The following RAB4A variants were observed in gnomAD, a reference collection of about 807,000 sequenced individuals.
RAB4A encodes RAB4A, member RAS oncogene family.
RAB4A carries 20 observed loss-of-function variants against 34.5 expected under a neutral mutation model. The ratio of observed to expected loss-of-function variants is 0.58; its 90% confidence interval spans 0.41 to 0.84. RAB4A has a LOEUF of 0.84. Among genes scored for constraint, RAB4A ranks in the 40% least tolerant of loss-of-function variants. RAB4A has a pLI of 0.00. For missense variants in RAB4A, 228 were observed against 274.5 expected (o/e 0.83, Z 1.20); for synonymous variants, 102 against 100.0 (o/e 1.02, Z -0.12).
At chr1:229,274,162 C>T (rs1476548750) in intron 1 of RAB4A, among the ~76,000 whole-genome samples, 4 of 151,300 alleles carry the variant, frequency 2.6e-5, no homozygotes, top group East Asian at 1.9e-4. Flanking sequence ...AAGTGATCCT[C>T]CCACTTCAGC....
At chr1:229,274,452 G>A (rs1656586736) in intron 1 of RAB4A, among the ~76,000 whole-genome samples, 1 of 152,106 alleles carries the variant, frequency 6.6e-6, no homozygotes, top group African/African-American at 2.4e-5. Flanking sequence ...ACCTTCCATA[G>A]ACTGAGTAGT....
At chr1:229,292,623 A>G (rs568683938) in intron 3 of RAB4A, among the ~76,000 whole-genome samples, 120 of 152,220 alleles carry the variant, frequency 7.9e-4, no homozygotes, top group Non-Finnish European at 1.5e-3. Flanking sequence ...TTCAAGCTAC[A>G]TGAAGACCTT....
At chr1:229,284,749 A>G (rs370205326) in intron 1 of RAB4A, among the ~76,000 whole-genome samples, 9 of 152,274 alleles carry the variant, frequency 5.9e-5, no homozygotes, top group African/African-American at 1.2e-4. Context: ...TATTTGAACA[A>G]TCCTTTAATT....
chr1:229,303,794 A>G lies in RAB4A; in HGVS notation c.*13-12A>G, dbSNP rs138283311. On this transcript the variant is annotated splice_polypyrimidine_tract_variant and intron_variant, in intron 7 of 7. Coordinates refer to ENST00000366690, the MANE Select transcript of RAB4A (RefSeq NM_004578.4). ...TTATGCAGATTTTGAAATTGTTCTT[A>G]ATATTTTTTAGGTGTTCATACAGTG... is the stretch of plus-strand genomic sequence containing the variant. The G allele has an allele frequency of 4.6e-5, 7 of 152,280 alleles. No individual in the cohort carries two copies. Among genetic ancestry groups the G allele is most frequent in the African/African-American group, 1.7e-4 (7 of 41,552 alleles). 9.4% of individuals were successfully genotyped at this position (152,280 alleles called of 1,614,324 possible).
Position 229,299,037 on chromosome 1 carries a change from A to G in RAB4A, c.506A>G (p.Gln169Arg), listed in dbSNP as rs762619546. ...GAGAATGTAGAAGAGGCTTTTGTAC[A>G]GTGTGCAAGAAAAATACTTAACAAA... is the stretch of plus-strand genomic sequence containing the variant. ...TGENVEEAFV[Q>R]CARKILNKIE... Residue 169 changes from glutamine to arginine, a missense_variant, in exon 6 of 8, where the codon CAG becomes CGG. Physicochemically the swap from Gln to Arg is conservative, Grantham distance 43. Transcript: ENST00000366690. The G allele has an allele frequency of 3.6e-5, 58 of 1,607,744 alleles. No homozygotes were observed. Among genetic ancestry groups the G allele is most frequent in the Non-Finnish European group, 4.6e-5 (54 of 1,178,668 alleles).
Position 229,297,605 on chromosome 1 carries a change from C to T in RAB4A, c.414C>T (p.Phe138=). Residue 138 remains phenylalanine (F), a synonymous_variant, in exon 5 of 8, where the codon TTC becomes TTT. Coordinates refer to ENST00000366690, the MANE Select transcript of RAB4A (RefSeq NM_004578.4). ...KDLDADREVT[F]LEASRFAQEN... ...TGGATGCAGATCGTGAAGTTACCTT[C>T]TTAGAAGCCTCCAGATTTGCTCAAG... The T allele has an allele frequency of 6.2e-7, 1 of 1,605,440 alleles. No individual in the cohort carries two copies. Among genetic ancestry groups the T allele is most frequent in the African/African-American group, 1.3e-5 (1 of 74,704 alleles).
chr1:229,285,295 C>T (rs1358872100), intron 1 of RAB4A, among the ~76,000 whole-genome samples: 2 of 152,156 alleles, frequency 1.3e-5, no homozygotes, highest in Admixed American at 6.5e-5. Flanking sequence ...CAGTTGTGAG[C>T]CAACGCGCTC....
rs1657493708 is a variant in RAB4A at position 229,304,392 on chromosome 1, A to AT, written c.*601dup. On this transcript the variant is annotated 3_prime_UTR_variant, in exon 8 of 8. Coordinates refer to ENST00000366690, the MANE Select transcript of RAB4A (RefSeq NM_004578.4). The stretch of plus-strand genomic sequence containing the variant: ...CTAATATACCAAAATAAAATGAAAA[A>AT]TTGAGTTTTTCCGTGAACTTTATAC... 2.0e-5 allele frequency: 3 copies of AT among 152,082 alleles called. No homozygotes were observed. The highest frequency in any genetic ancestry group is 7.2e-5 in the African/African-American group (3 of 41,408). The allele number at this position is 152,082 out of a possible 1,614,324, so 9.4% of individuals were successfully genotyped here. A position where few individuals can be genotyped will look rare whatever the true frequency, so the allele number is the denominator to read the frequency against.
At chr1:229,277,903 T>C (rs901810179) in intron 1 of RAB4A, among the ~76,000 whole-genome samples, 1 of 151,340 alleles carries the variant, frequency 6.6e-6, no homozygotes, top group Non-Finnish European at 1.5e-5. Flanking sequence ...CTCACTCTGT[T>C]GCCCAGTCTG....
chr1:229,298,430 G>A (rs141694456), intron 5 of RAB4A, among the ~76,000 whole-genome samples: 40 of 152,324 alleles, frequency 2.6e-4, no homozygotes, highest in Non-Finnish European at 5.4e-4. Flanking sequence ...GATACAAGAG[G>A]CTAGAGAGGC....
At chr1:229,297,454 A>G in intron 4 of RAB4A, 28 bp from the exon 5 acceptor site, 2 of 1,567,666 alleles carry the variant, frequency 1.3e-6, no homozygotes, top group Non-Finnish European at 1.7e-6. Flanking sequence ...AAATACATGT[A>G]TTATTTTCAC....
At chr1:229,276,062 A>G (rs1484753020) in intron 1 of RAB4A, among the ~76,000 whole-genome samples, 2 of 151,496 alleles carry the variant, frequency 1.3e-5, no homozygotes, top group Non-Finnish European at 2.9e-5. Context: ...GAATCCTGTA[A>G]CACCAAAACA....
intron 1 of RAB4A, among the ~76,000 whole-genome samples, chr1:229,283,682 T>C (rs1201539413): frequency 6.6e-6 from 1 of 151,700 alleles, no homozygotes; most frequent in African/African-American, 2.4e-5. Context: ...CCGGGTACAC[T>C]GAAATCTCTG....
At chr1:229,277,710 G>C (rs1434206339) in intron 1 of RAB4A, among the ~76,000 whole-genome samples, 1 of 151,120 alleles carries the variant, frequency 6.6e-6, no homozygotes, top group Non-Finnish European at 1.5e-5. Flanking sequence ...ACAGTTCCTT[G>C]ACTTTAGTCA....
intron 1 of RAB4A, among the ~76,000 whole-genome samples, chr1:229,283,968 T>A (rs1490522725): frequency 2.0e-5 from 3 of 151,502 alleles, no homozygotes; most frequent in Non-Finnish European, 4.4e-5. Context: ...ACTCCTGACC[T>A]CAAGATGATC....
chr1:229,303,446 T>C (rs1054269199), intron 7 of RAB4A, among the ~76,000 whole-genome samples: 7 of 152,166 alleles, frequency 4.6e-5, no homozygotes, highest in Admixed American at 1.3e-4. Context: ...GAAATTCTTA[T>C]GCTCTTGTTC....
chr1:229,305,481 A>G lies in RAB4A; in HGVS notation c.*1688A>G, dbSNP rs940500815. 9 of 499,560 alleles carry G rather than the reference A, an allele frequency of 1.8e-5. No individual in the cohort carries two copies. Among genetic ancestry groups the G allele is most frequent in the Middle Eastern group, 1.1e-3 (2 of 1,832 alleles). 30.9% of individuals were successfully genotyped at this position (499,560 alleles called of 1,614,324 possible). On this transcript the variant is annotated 3_prime_UTR_variant, in exon 8 of 8. Coordinates refer to ENST00000366690, the MANE Select transcript of RAB4A (RefSeq NM_004578.4). ...ATATATCCTTCTGCATCCTTTGGCC[A>G]ATAAAAGTTGCTGGAGAACCAAACC...
intron 4 of RAB4A, among the ~76,000 whole-genome samples, chr1:229,297,266 A>AAT (rs1030139404): frequency 5.2e-4 from 79 of 152,364 alleles, no homozygotes; most frequent in African/African-American, 1.9e-3. Flanking sequence ...AAAATAACAA[A>AAT]ATATCTCACT....
rs1657501182 is a variant in RAB4A, at chr1:229,304,631, T to G, written c.*838T>G. On this transcript the variant is annotated 3_prime_UTR_variant, in exon 8 of 8. Transcript: ENST00000366690. ...CTCATCCACTTCCAGTTTGCTGGTC[T>G]CCCTGCTAGAAAACACATTGTACTG... 6.6e-6 allele frequency: 1 copy of G among 152,254 alleles called. No individual in the cohort carries two copies. The highest frequency in any genetic ancestry group is 1.5e-5 in the Non-Finnish European group (1 of 68,062). 9.4% of individuals were successfully genotyped at this position (152,254 alleles called of 1,614,324 possible). A position where few individuals can be genotyped will look rare whatever the true frequency, so the allele number is the denominator to read the frequency against.
Sources: allele counts gnomAD v4.1 joint callset (sites outside exome capture counted in the v4.1 genomes callset), GRCh38; gene constraint gnomAD v4.1.1; transcripts MANE v1.5; gene names NCBI Gene and HGNC (gene_info 2026-07-23, HGNC 2026-07-21).